The following RNF150 variants were observed in gnomAD, a reference collection of about 807,000 sequenced individuals.
RNF150 encodes ring finger protein 150.
RNF150 carries 24 observed loss-of-function variants against 39.3 expected under a neutral mutation model. The ratio of observed to expected loss-of-function variants is 0.61; its 90% CI spans 0.44 to 0.86. RNF150 has a LOEUF of 0.86. Among genes scored for constraint, RNF150 ranks in the 40% least tolerant of loss-of-function variants. RNF150 has a pLI of 0.00. For synonymous variants in RNF150, 255 were observed against 227.3 expected (o/e 1.12, Z -1.10); for missense variants, 502 against 587.8 (o/e 0.85, Z 1.51).
Position 140,865,596 on chromosome 4 carries a change from C to T in RNF150, c.*2665G>A, listed in dbSNP as rs1322771648. 1 of 149,090 alleles carries T rather than the reference C, an allele frequency of 6.7e-6. No individual in the cohort carries two copies. Among genetic ancestry groups the T allele is most frequent in the Non-Finnish European group, 1.5e-5 (1 of 67,508 alleles). 9.2% of individuals were successfully genotyped at this position (149,090 alleles called of 1,614,324 possible). A position where few individuals can be genotyped will look rare whatever the true frequency, so the allele number is the denominator to read the frequency against. ...AAACTATCAAAGCTACAGGAAAATC[C>T]TCCAGAAACAAACTTTGGTAAGTAG... On this transcript the variant is annotated 3_prime_UTR_variant, in exon 7 of 7. Coordinates refer to ENST00000515673, the MANE Select transcript of RNF150 (RefSeq NM_020724.2).
rs1325890377 is a variant in RNF150, at chr4:140,864,372, A to C, written c.*3889T>G. ...GCTCTTCCAAAGGGACTAGCCACAT[A>C]GGAGGTAGCAGTTCCTAAAGGTGAC... On this transcript the variant is annotated 3_prime_UTR_variant, in exon 7 of 7. Coordinates refer to ENST00000515673, the MANE Select transcript of RNF150 (RefSeq NM_020724.2). 6.6e-6 allele frequency: 1 copy of C among 152,222 alleles called. No individual in the cohort carries two copies. Among genetic ancestry groups the C allele is most frequent in the East Asian group, 1.9e-4 (1 of 5,192 alleles). 9.4% of individuals were successfully genotyped at this position (152,222 alleles called of 1,614,324 possible). A position where few individuals can be genotyped will look rare whatever the true frequency, so the allele number is the denominator to read the frequency against.
intron 5 of RNF150, among the ~76,000 whole-genome samples, chr4:140,917,627 T>A (rs1730894139): frequency 6.6e-6 from 1 of 152,156 alleles, no homozygotes. Context: ...ATTAGACAGA[T>A]CAACGAGACA....
chr4:140,862,206 C>T lies in RNF150; in HGVS notation c.*6055G>A, dbSNP rs1728517974. 1 of 152,196 alleles carries T rather than the reference C, an allele frequency of 6.6e-6. No homozygotes were observed. The highest frequency in any genetic ancestry group is 2.4e-5 in the African/African-American group (1 of 41,446). The allele number at this position is 152,196 out of a possible 1,614,324, so 9.4% of individuals were successfully genotyped here. ...TAAGCGACCTTCTCTAAGGATTTTT[C>T]TCCCTCACTGTGTTCAGACATTGCA... On this transcript the variant is annotated 3_prime_UTR_variant, in exon 7 of 7. Coordinates refer to ENST00000515673, the MANE Select transcript of RNF150 (RefSeq NM_020724.2).
intron 1 of RNF150, among the ~76,000 whole-genome samples, chr4:141,199,082 AC>A (rs1728250494): frequency 6.6e-6 from 1 of 152,232 alleles, no homozygotes; most frequent in Non-Finnish European, 1.5e-5. Flanking sequence ...CAGACACTTT[AC>A]CAAAGAAGTA....
intron 4 of RNF150, among the ~76,000 whole-genome samples, chr4:140,931,202 T>G (rs1428213614): frequency 6.6e-6 from 1 of 152,180 alleles, no homozygotes; most frequent in South Asian, 2.1e-4. Flanking sequence ...TTACATCTTA[T>G]TTTAAAGATA....
chr4:141,146,465 A>G (rs150233642), intron 1 of RNF150, among the ~76,000 whole-genome samples: 1 of 152,346 alleles, frequency 6.6e-6, no homozygotes, highest in Non-Finnish European at 1.5e-5. Context: ...TGATCCCATA[A>G]CATGAGCCAA....
In RNF150 at chr4:141,027,740, GACTT is replaced by G. The variant is rs575792266; in HGVS notation, c.485-59871_485-59868del. On this transcript the variant is annotated intron_variant, in intron 1 of 6. Coordinates refer to ENST00000515673, the MANE Select transcript of RNF150 (RefSeq NM_020724.2). The stretch of plus-strand genomic sequence containing the variant: ...AATAAGGAAGGGGAGGCCTATATAA[GACTT>G]AGCCCCTTAATGACTGAATGGTGCA... 5.9e-5 allele frequency among the ~76,000 whole-genome samples: 9 copies of G among 152,186 alleles called. No homozygotes were observed. The South Asian group carries it at 1.9e-3, about 32-fold the overall frequency.
chr4:141,212,546 A>T (rs1728487658), intron 1 of RNF150, among the ~76,000 whole-genome samples: 1 of 152,124 alleles, frequency 6.6e-6, no homozygotes, highest in African/African-American at 2.4e-5. Flanking sequence ...ACTTAGATAC[A>T]AAGACAACAC....
At chr4:140,983,501 G>C (rs1733925937) in intron 1 of RNF150, among the ~76,000 whole-genome samples, 1 of 152,008 alleles carries the variant, frequency 6.6e-6, no homozygotes, top group African/African-American at 2.4e-5. Flanking sequence ...ATACCATAGA[G>C]CAAAGAATAA....
At chr4:140,902,072 A>G (rs1043582275) in intron 6 of RNF150, among the ~76,000 whole-genome samples, 1 of 152,202 alleles carries the variant, frequency 6.6e-6, no homozygotes, top group Non-Finnish European at 1.5e-5. Flanking sequence ...ACTGACAAAA[A>G]CAGATTTCTA....
intron 6 of RNF150, among the ~76,000 whole-genome samples, chr4:140,884,121 TTC>T (rs958707079): frequency 5.9e-5 from 9 of 152,154 alleles, no homozygotes; most frequent in African/African-American, 1.4e-4. Flanking sequence ...ACTCTTGAAT[TTC>T]TGTTTGTTTC....
At chr4:141,139,113 G>C (rs528573598) in intron 1 of RNF150, among the ~76,000 whole-genome samples, 2 of 152,152 alleles carry the variant, frequency 1.3e-5, no homozygotes, top group East Asian at 3.9e-4. Context: ...TGCTTGGGAG[G>C]CTGAAGCAGG....
chr4:140,955,299 T>A (rs1190168598), intron 2 of RNF150, among the ~76,000 whole-genome samples: 1 of 152,216 alleles, frequency 6.6e-6, no homozygotes, highest in Non-Finnish European at 1.5e-5. Flanking sequence ...TAAATCTGTT[T>A]GTGAGCACAC....
At chr4:140,930,177 C>T (rs1000289710) in intron 4 of RNF150, among the ~76,000 whole-genome samples, 7 of 152,076 alleles carry the variant, frequency 4.6e-5, no homozygotes, top group African/African-American at 1.4e-4. Flanking sequence ...AACCAACCAA[C>T]CCACCAACCA....
chr4:140,887,152 A>G (rs1383292968), intron 6 of RNF150, among the ~76,000 whole-genome samples: 2 of 152,212 alleles, frequency 1.3e-5, no homozygotes, highest in East Asian at 3.9e-4. Flanking sequence ...TTTGAATGCC[A>G]GGCTAAATTA....
At position 141,019,143 on chromosome 4, in the gene RNF150, T is replaced by C. The variant is rs111562277; in HGVS notation, c.485-51270A>G. 3.6e-3 allele frequency among the ~76,000 whole-genome samples: 533 copies of C among 149,912 alleles called. 5 individuals carry two copies. Among genetic ancestry groups the C allele is most frequent in the African/African-American group, 0.012 (510 of 40,900 alleles). ...AGCAATGAATAAAATGAGCTCAGAATTTCCTGAAACATAATTACTTGCTCT... is the reference window on the plus strand; with the variant it reads ...AGCAATGAATAAAATGAGCTCAGAACTTCCTGAAACATAATTACTTGCTCT... On this transcript the variant is annotated intron_variant, in intron 1 of 6. Coordinates refer to ENST00000515673, the MANE Select transcript of RNF150 (RefSeq NM_020724.2).
At chr4:141,139,622 G>A (rs988609349) in intron 1 of RNF150, among the ~76,000 whole-genome samples, 1 of 152,206 alleles carries the variant, frequency 6.6e-6, no homozygotes, top group Non-Finnish European at 1.5e-5. Flanking sequence ...ATAATAAATA[G>A]TAATGAAGAG....
At chr4:141,189,200 C>T (rs1354657149) in intron 1 of RNF150, among the ~76,000 whole-genome samples, 1 of 152,180 alleles carries the variant, frequency 6.6e-6, no homozygotes, top group Non-Finnish European at 1.5e-5. Flanking sequence ...CCACTCCACA[C>T]CCTGTTTGCC....
chr4:140,988,435 A>G (rs1734081617), intron 1 of RNF150, among the ~76,000 whole-genome samples: 1 of 152,112 alleles, frequency 6.6e-6, no homozygotes, highest in African/African-American at 2.4e-5. Context: ...GAACGAAATC[A>G]TGTCCTTTGC....
Sources: allele counts gnomAD v4.1 joint callset (sites outside exome capture counted in the v4.1 genomes callset), GRCh38; gene constraint gnomAD v4.1.1; transcripts MANE v1.5; gene names NCBI Gene and HGNC (gene_info 2026-07-23, HGNC 2026-07-21).